Variants in GMDS observed in about 807,000 individuals in gnomAD.
The protein encoded by GMDS is GDP-mannose 4,6-dehydratase.
Under a neutral mutation model 49.9 loss-of-function variants are expected in GMDS, and 20 were observed. The observed-to-expected ratio is 0.40, with a 90% CI of 0.28 to 0.58. The LOEUF (loss-of-function observed/expected upper bound fraction) is 0.58. GMDS is among the 20% of genes least tolerant of loss of function. The probability of loss-of-function intolerance (pLI) is 0.42; values close to 1 mark genes in which losing one functional copy is unlikely to be tolerated. For synonymous variants in GMDS, 177 were observed against 178.6 expected (o/e 0.99, Z 0.07); for missense variants, 362 against 481.4 (o/e 0.75, Z 2.32).
At chr6:2,231,108 A>T (rs1781086859) in intron 1 of GMDS, among the ~76,000 whole-genome samples, 2 of 152,034 alleles carry the variant, frequency 1.3e-5, no homozygotes, top group African/African-American at 4.8e-5. Context: ...TTTCAGTTTC[A>T]AGTTCCCAAG....
At chr6:2,110,091 C>T (rs192628357) in intron 4 of GMDS, among the ~76,000 whole-genome samples, 19 of 152,250 alleles carry the variant, frequency 1.2e-4, no homozygotes, top group African/African-American at 3.9e-4. Flanking sequence ...TGTAATTACA[C>T]GGTAAAGGGC....
At chr6:1,917,742 G>C (rs1274765765) in intron 7 of GMDS, among the ~76,000 whole-genome samples, 1 of 152,208 alleles carries the variant, frequency 6.6e-6, no homozygotes, top group African/African-American at 2.4e-5. Context: ...CTGTGGACTT[G>C]GTGACAGAAT....
intron 7 of GMDS, among the ~76,000 whole-genome samples, chr6:1,920,517 T>A (rs906539512): frequency 6.6e-6 from 1 of 152,190 alleles, no homozygotes; most frequent in African/African-American, 2.4e-5. Flanking sequence ...CTGCCTTGAT[T>A]GCAAATACGT....
chr6:2,212,502 A>G (rs1780109946), intron 1 of GMDS, among the ~76,000 whole-genome samples: 1 of 152,216 alleles, frequency 6.6e-6, no homozygotes, highest in South Asian at 2.1e-4. Flanking sequence ...AAGTTATAGG[A>G]TATTCCTTAT....
intron 7 of GMDS, among the ~76,000 whole-genome samples, chr6:1,909,717 C>G (rs114530202): frequency 6.6e-6 from 1 of 152,204 alleles, no homozygotes; most frequent in Non-Finnish European, 1.5e-5. Context: ...CTTCCACATG[C>G]AGGGACGGCA....
intron 2 of GMDS, among the ~76,000 whole-genome samples, chr6:2,119,589 C>G (rs1021932860): frequency 2.0e-5 from 3 of 152,058 alleles, no homozygotes; most frequent in Non-Finnish European, 4.4e-5. Context: ...ACTGCACAAT[C>G]TAGTTAAGAA....
intron 7 of GMDS, among the ~76,000 whole-genome samples, chr6:1,875,351 C>T (rs1004828416): frequency 2.1e-5 from 3 of 140,362 alleles, no homozygotes; most frequent in Non-Finnish European, 3.1e-5. Context: ...CACACACACA[C>T]GGACTGGAAA....
At chr6:2,028,997 TTC>T (rs1255615623) in intron 4 of GMDS, among the ~76,000 whole-genome samples, 24 of 149,986 alleles carry the variant, frequency 1.6e-4, no homozygotes, top group Admixed American at 1.3e-4. Flanking sequence ...TTTTCTTTCT[TTC>T]TTTTTTTTTT....
chr6:1,758,986 G>A (rs540267861), intron 7 of GMDS, among the ~76,000 whole-genome samples: 72 of 152,250 alleles, frequency 4.7e-4, no homozygotes, highest in Middle Eastern at 3.4e-3. Flanking sequence ...GTAGTGGCAC[G>A]ATCTCAGCTC....
chr6:2,025,203 A>G (rs1049328379), intron 4 of GMDS, among the ~76,000 whole-genome samples: 1 of 152,272 alleles, frequency 6.6e-6, no homozygotes, highest in Admixed American at 6.5e-5. Context: ...GAAAGAAGAC[A>G]TTAAAGTTGA....
At chr6:2,053,771 AT>A (rs1025398276) in intron 4 of GMDS, among the ~76,000 whole-genome samples, 4 of 152,068 alleles carry the variant, frequency 2.6e-5, no homozygotes, top group African/African-American at 9.7e-5. Flanking sequence ...GAAACCTTTG[AT>A]TTTTTAAACT....
intron 7 of GMDS, among the ~76,000 whole-genome samples, chr6:1,817,612 TA>T: frequency 6.6e-6 from 1 of 152,124 alleles, no homozygotes; most frequent in East Asian, 1.9e-4. Flanking sequence ...TAAAAACATA[TA>T]AAAGTACAAA....
intron 7 of GMDS, among the ~76,000 whole-genome samples, chr6:1,855,745 A>C (rs575252588): frequency 6.6e-6 from 1 of 152,370 alleles, no homozygotes; most frequent in Admixed American, 6.5e-5. Flanking sequence ...ATATTTTTCA[A>C]GAAAAAAATG....
intron 1 of GMDS, among the ~76,000 whole-genome samples, chr6:2,176,316 A>T (rs1053437461): frequency 1.2e-4 from 18 of 152,312 alleles, no homozygotes; most frequent in African/African-American, 3.8e-4. Context: ...AAGAATTCCA[A>T]GCACTTAAGA....
chr6:2,087,341 T>C (rs1483123384), intron 4 of GMDS, among the ~76,000 whole-genome samples: 1 of 152,246 alleles, frequency 6.6e-6, no homozygotes, highest in Non-Finnish European at 1.5e-5. Context: ...CCTGTCATCC[T>C]AAATGTAGAT....
rs565060630 is a variant in GMDS, at chr6:1,892,436, T to C, written c.771+37667A>G. Among the ~76,000 whole-genome samples the C allele has an allele frequency of 5.9e-5, 9 of 152,282 alleles. No individual in the cohort carries two copies. In the South Asian group the frequency reaches 1.7e-3, roughly 28 times the overall value. ...GTGCAGTGGTATGATCTTGGCTCAC[T>C]GCAACCTCCACTACCCAGGTTCAAG... On this transcript the variant is annotated intron_variant, in intron 7 of 10. Coordinates refer to ENST00000380815, the MANE Select transcript of GMDS (RefSeq NM_001500.4).
At chr6:1,904,569 C>T (rs1760661335) in intron 7 of GMDS, among the ~76,000 whole-genome samples, 1 of 152,228 alleles carries the variant, frequency 6.6e-6, no homozygotes, top group Non-Finnish European at 1.5e-5. Context: ...TCCTTTCCGG[C>T]CAGGCTTTCC....
chr6:1,780,680 C>T (rs1769042623), intron 7 of GMDS, among the ~76,000 whole-genome samples: 1 of 152,230 alleles, frequency 6.6e-6, no homozygotes, highest in African/African-American at 2.4e-5. Flanking sequence ...TGCCCAGGTG[C>T]CGGCAGCATC....
chr6:1,702,792 G>A (rs1009784520), intron 9 of GMDS, among the ~76,000 whole-genome samples: 3 of 152,182 alleles, frequency 2.0e-5, no homozygotes, highest in African/African-American at 7.2e-5. Flanking sequence ...GATAATGTCC[G>A]CCTCACTGCC....
Sources: allele counts gnomAD v4.1 joint callset (sites outside exome capture counted in the v4.1 genomes callset), GRCh38; gene constraint gnomAD v4.1.1; transcripts MANE v1.5; gene names NCBI Gene and HGNC (gene_info 2026-07-23, HGNC 2026-07-21).